GNAT2: variants seen among roughly 807,000 people sequenced by gnomAD.
GNAT2 encodes G protein subunit alpha transducin 2.
In GNAT2, 32 loss-of-function variants were observed where a neutral mutation model predicts 40.9. That is an observed-to-expected ratio of 0.78 (90% CI 0.59 to 1.05). GNAT2 has a LOEUF of 1.05. Ranked by LOEUF, GNAT2 falls within the 50% of genes least tolerant of loss-of-function variation. The probability of loss-of-function intolerance (pLI) is 0.00; values close to 1 mark genes in which losing one functional copy is unlikely to be tolerated. For missense variants in GNAT2, 355 were observed against 431.5 expected, an observed-to-expected ratio of 0.82 and a Z score of 1.57; for synonymous variants, 141 against 157.2, an observed-to-expected ratio of 0.90 and a Z score of 0.77.
At chr1:109,613,038 C>T (rs1649850397) in intron 1 of GNAT2, 115 bp from the exon 2 acceptor site, 1 of 722,650 alleles carries the variant, frequency 1.4e-6, no homozygotes, top group South Asian at 1.4e-5. Flanking sequence ...GGGTCTTGTA[C>T]TCTGCCTACA....
At chr1:109,616,140 C>T (rs1239200877) in intron 1 of GNAT2, 2 of 152,234 alleles carry the variant, frequency 1.3e-5, no homozygotes, top group Non-Finnish European at 2.9e-5. Context: ...TCTGTGACCT[C>T]CTGCCTCTGC....
rs201798524 is a variant in GNAT2 at position 109,606,348 on chromosome 1, T to C, written c.550A>G (p.Ile184Val). The C allele has an allele frequency of 1.3e-5, 21 of 1,613,238 alleles. No homozygotes were observed. The highest frequency in any genetic ancestry group is 1.7e-5 in the Non-Finnish European group (20 of 1,179,260). The change falls in exon 6 of 9, where the codon ATC (isoleucine) becomes GTC (valine). Residue 184 changes from isoleucine to valine, a missense_variant. Ile to Val is a conservative substitution (Grantham distance 29, BLOSUM62 3). Coordinates refer to ENST00000679935, the MANE Select transcript of GNAT2 (RefSeq NM_001377295.2). Reference protein sequence around the residue: ...VLRSRVKTTGIIETKFSVKDL... With the variant: ...VLRSRVKTTGVIETKFSVKDL... ...TTGACGGAAAACTTGGTTTCAATGA[T>C]GCCCGTGGTTTTGACTCTGGATCGG...
intron 4 of GNAT2, 89 bp downstream of exon 4, chr1:109,609,951 T>C: frequency 1.5e-6 from 2 of 1,306,496 alleles, no homozygotes; most frequent in Non-Finnish European, 2.2e-6. Flanking sequence ...TTCTTACCCA[T>C]CTTTCCATAT....
chr1:109,618,328 T>C (rs1650013890), intron 1 of GNAT2: 1 of 152,232 alleles, frequency 6.6e-6, no homozygotes, highest in Non-Finnish European at 1.5e-5. Flanking sequence ...AGAACAATTT[T>C]TAATGGCTGT....
Position 109,612,790 on chromosome 1 carries a change from A to G in GNAT2, c.81T>C (p.Ala27=). The change falls in exon 2 of 9, where the codon GCT becomes GCC. Residue 27 remains alanine, a synonymous_variant. Coordinates refer to ENST00000679935, the MANE Select transcript of GNAT2 (RefSeq NM_001377295.2). ...KELEKKLQED[A]DKEAKTVKLL... is the part of the protein sequence containing the mutation. Reference sequence around the variant, plus strand: ...GCTTGACAGTCTTGGCTTCCTTATCAGCATCCTCCTGCAGCTTCTTTTCTA... The same window carrying G: ...GCTTGACAGTCTTGGCTTCCTTATCGGCATCCTCCTGCAGCTTCTTTTCTA... 1 of 1,612,486 alleles carries G rather than the reference A, an allele frequency of 6.2e-7. No individual in the cohort carries two copies. Among genetic ancestry groups the G allele is most frequent in the South Asian group, 1.1e-5 (1 of 91,032 alleles).
intron 2 of GNAT2, 118 bp downstream of exon 2, chr1:109,612,635 G>A (rs1649831768): frequency 1.3e-6 from 1 of 760,592 alleles, no homozygotes; most frequent in Non-Finnish European, 2.4e-6. Flanking sequence ...ACTGTGTAGA[G>A]GAGAGGAAAA....
intron 4 of GNAT2, 67 bp from the exon 5 acceptor site, chr1:109,608,855 A>G (rs1413792180): frequency 8.3e-7 from 1 of 1,201,590 alleles, no homozygotes; most frequent in Non-Finnish European, 1.2e-6. Context: ...TTCTGGGAAT[A>G]CTGCTGAATG....
At chr1:109,608,015 G>A (rs1482787706) in intron 5 of GNAT2, 1 of 168,548 alleles carries the variant, frequency 5.9e-6, no homozygotes, top group Non-Finnish European at 1.3e-5. Context: ...TACTGTCTGA[G>A]GTAGGATTGA....
rs1205452178 is a variant in GNAT2, at chr1:109,606,304, T to C, written c.590+4A>G. ...CGAGATGCCCTAGGGAACCATGCAC[T>C]TACCTGAAATTCAAGTCTTTGACGG... On this transcript the variant is annotated splice_donor_region_variant and intron_variant, in intron 6 of 8. Transcript: ENST00000679935. 38 of 1,613,854 alleles carry C rather than the reference T, an allele frequency of 2.4e-5. No individual in the cohort carries two copies. Among genetic ancestry groups the C allele is most frequent in the Non-Finnish European group, 3.1e-5 (37 of 1,179,746 alleles).
In GNAT2 at chr1:109,606,389, C is replaced by T; in HGVS notation, c.509G>A (p.Ser170Asn). 6.2e-7 allele frequency: 1 copy of T among 1,611,280 alleles called. No individual in the cohort carries two copies. The highest frequency in any genetic ancestry group is 8.5e-7 in the Non-Finnish European group (1 of 1,177,450). The change falls in exon 6 of 9, where the codon AGT becomes AAT. Residue 170 changes from serine (S) to asparagine (N), a missense_variant. Coordinates refer to ENST00000679935, the MANE Select transcript of GNAT2 (RefSeq NM_001377295.2). ...ERITDPEYLP[S>N]EQDVLRSRVK... Reference sequence around the variant, plus strand: ...TCTGGATCGGAGCACATCTTGCTCACTAGGGAGGTACTCAGGGTCTGTAAT... The same window carrying T: ...TCTGGATCGGAGCACATCTTGCTCATTAGGGAGGTACTCAGGGTCTGTAAT...
intron 3 of GNAT2, 96 bp from the exon 4 acceptor site, chr1:109,610,277 ATC>A (rs1280984856): frequency 7.9e-6 from 11 of 1,385,812 alleles, no homozygotes; most frequent in Non-Finnish European, 1.1e-5. Flanking sequence ...TAAGAATCCT[ATC>A]TCTCTGTTGC....
At chr1:109,604,273 C>T (rs1649527199) in intron 7 of GNAT2, 169 bp from the exon 8 acceptor site, 4 of 641,530 alleles carry the variant, frequency 6.2e-6, no homozygotes, top group African/African-American at 5.5e-5. Context: ...TGGGATCATT[C>T]TAGTTCCCTA....
chr1:109,609,645 G>T, intron 4 of GNAT2: 1 of 323,182 alleles, frequency 3.1e-6, no homozygotes, highest in South Asian at 2.6e-5. Flanking sequence ...AAAAATAAGG[G>T]TGGATGTTGC....
chr1:109,610,576 G>C, intron 2 of GNAT2, 69 bp from the exon 3 acceptor site: 1 of 1,323,830 alleles, frequency 7.6e-7, no homozygotes, highest in Non-Finnish European at 1.1e-6. Flanking sequence ...GATGGCCTGG[G>C]AGAAGTCAGA....
chr1:109,610,590 A>G, intron 2 of GNAT2, 83 bp from the exon 3 acceptor site: 1 of 1,154,096 alleles, frequency 8.7e-7, no homozygotes, highest in Non-Finnish European at 1.3e-6. Flanking sequence ...AGTCAGAGCC[A>G]CTGCTTGCTT....
chr1:109,604,536 C>G (rs1013531970), intron 7 of GNAT2: 2 of 195,828 alleles, frequency 1.0e-5, no homozygotes, highest in Non-Finnish European at 2.1e-5. Context: ...CCATATGCAT[C>G]TCCAGGATGA....
In GNAT2 at chr1:109,612,123, G is replaced by C. The variant is rs1205225979; in HGVS notation, c.118+630C>G. 3.0e-5 allele frequency: 5 copies of C among 166,190 alleles called. No homozygotes were observed. In the East Asian group the frequency reaches 8.4e-4, roughly 28 times the overall value. 10.3% of individuals were successfully genotyped at this position (166,190 alleles called of 1,614,324 possible). ...TCAGCACAGACCAGTGATCTGCTTA[G>C]GAGCTCATCAAGTTGATGAACCTTC... On this transcript the variant is annotated intron_variant, in intron 2 of 8. Coordinates refer to ENST00000679935, the MANE Select transcript of GNAT2 (RefSeq NM_001377295.2).
rs1649524072 is a variant in GNAT2, at chr1:109,604,162, C to T, written c.721-58G>A. ...ATTTGGCTTATAGAATATCTACCTACTTCCTGCTCTTGTTCCCCTTGGAGA... is the reference window on the plus strand; with the variant it reads ...ATTTGGCTTATAGAATATCTACCTATTTCCTGCTCTTGTTCCCCTTGGAGA... On this transcript the variant is annotated intron_variant, in intron 7 of 8. Coordinates refer to ENST00000679935, the MANE Select transcript of GNAT2 (RefSeq NM_001377295.2). 6.8e-6 allele frequency: 9 copies of T among 1,322,248 alleles called. 1 individual carries two copies. Among genetic ancestry groups the T allele is most frequent in the South Asian group, 3.5e-5 (3 of 84,910 alleles). 81.9% of individuals were successfully genotyped at this position (1,322,248 alleles called of 1,614,324 possible).
chr1:109,611,634 G>A (rs1479907083), intron 2 of GNAT2: 2 of 152,044 alleles, frequency 1.3e-5, no homozygotes, highest in African/African-American at 4.8e-5. Flanking sequence ...TTCTAGTACT[G>A]AGTTTATACT....
Sources: gnomAD v4.1 joint callset for allele counts on GRCh38, gnomAD v4.1.1 for gene constraint, MANE v1.5 for transcripts, NCBI Gene and HGNC (gene_info 2026-07-23, HGNC 2026-07-21) for gene names.